QTMAN: variants seen among roughly 807,000 people sequenced by gnomAD.
QTMAN encodes tRNA-queuosine alpha-mannosyltransferase.
the QTMAN span, among the ~76,000 whole-genome samples, chr2:144,233,184 A>C: frequency 6.6e-6 from 1 of 152,132 alleles, no homozygotes; most frequent in East Asian, 1.9e-4. Context: ...TATCACTCAA[A>C]AGTTTCCATT....
chr2:144,295,162 T>C, the QTMAN span: 1 of 152,208 alleles, frequency 6.6e-6, no homozygotes, highest in Non-Finnish European at 1.5e-5. Flanking sequence ...CACTCCAGCT[T>C]CTCTCAATGC....
the QTMAN span, among the ~76,000 whole-genome samples, chr2:144,121,045 T>C: frequency 1.3e-5 from 2 of 152,186 alleles, no homozygotes; most frequent in Non-Finnish European, 2.9e-5. Context: ...TAAGACTCAG[T>C]GTAAGCTGTC....
At chr2:144,303,508 T>TA in the QTMAN span, among the ~76,000 whole-genome samples, 1 of 152,144 alleles carries the variant, frequency 6.6e-6, no homozygotes, top group South Asian at 2.1e-4. Flanking sequence ...TTCAAAAGTC[T>TA]AAAGCACATA....
the QTMAN span, among the ~76,000 whole-genome samples, chr2:144,048,537 T>G: frequency 6.6e-6 from 1 of 152,124 alleles, no homozygotes; most frequent in Non-Finnish European, 1.5e-5. Context: ...AAATTGAGAT[T>G]ATATAAAAAG....
the QTMAN span, among the ~76,000 whole-genome samples, chr2:144,187,159 G>A: frequency 6.6e-6 from 1 of 152,174 alleles, no homozygotes; most frequent in East Asian, 1.9e-4. Context: ...TGTCTTGTCT[G>A]TTTTTTGTTG....
At chr2:144,271,794 T>C in the QTMAN span, among the ~76,000 whole-genome samples, 6 of 152,186 alleles carry the variant, frequency 3.9e-5, no homozygotes, top group African/African-American at 7.2e-5. Flanking sequence ...GTAATATCTA[T>C]AGGGAAGGAA....
chr2:144,091,395 A>C, the QTMAN span, among the ~76,000 whole-genome samples: 1 of 152,184 alleles, frequency 6.6e-6, no homozygotes, highest in Non-Finnish European at 1.5e-5. Context: ...GTGATGTATA[A>C]AATAAAATGA....
At chr2:144,193,480 T>C in the QTMAN span, among the ~76,000 whole-genome samples, 3 of 148,830 alleles carry the variant, frequency 2.0e-5, no homozygotes, top group African/African-American at 7.3e-5. Context: ...ATATATTATG[T>C]TATATATACA....
the QTMAN span, among the ~76,000 whole-genome samples, chr2:144,213,838 C>T: frequency 6.6e-6 from 1 of 152,158 alleles, no homozygotes; most frequent in Non-Finnish European, 1.5e-5. Context: ...CGGTATTTCT[C>T]AGTAGGTCAT....
chr2:144,091,680 G>C, the QTMAN span, among the ~76,000 whole-genome samples: 1 of 152,148 alleles, frequency 6.6e-6, no homozygotes, highest in Admixed American at 6.5e-5. Flanking sequence ...TCCACTCCTA[G>C]GTATTTACCC....
the QTMAN span, among the ~76,000 whole-genome samples, chr2:144,055,061 T>C: frequency 6.6e-6 from 1 of 152,050 alleles, no homozygotes; most frequent in Non-Finnish European, 1.5e-5. Flanking sequence ...TAAGAAACAA[T>C]TTTTGAAAAG....
At chr2:143,959,039 G>A in the QTMAN span, among the ~76,000 whole-genome samples, 1 of 151,598 alleles carries the variant, frequency 6.6e-6, no homozygotes, top group African/African-American at 2.4e-5. Context: ...CAACATTTAG[G>A]GTTAATATCC....
At chr2:144,101,056 G>A in the QTMAN span, among the ~76,000 whole-genome samples, 1,427 of 151,912 alleles carry the variant, frequency 9.4e-3, 7 homozygotes, top group Non-Finnish European at 0.014. Flanking sequence ...TTTTAGTACA[G>A]ATGGGGTTTC....
chr2:144,252,230 C>G, the QTMAN span, among the ~76,000 whole-genome samples: 1 of 151,642 alleles, frequency 6.6e-6, no homozygotes, highest in Non-Finnish European at 1.5e-5. Context: ...AAAAGATTAG[C>G]CAAGCACAAT....
chr2:144,003,171 T>A, the QTMAN span, among the ~76,000 whole-genome samples: 1 of 151,926 alleles, frequency 6.6e-6, no homozygotes, highest in Non-Finnish European at 1.5e-5. Flanking sequence ...ATAGGTATAA[T>A]CCCAACAAAC....
At chr2:144,318,112 T>C in the QTMAN span, among the ~76,000 whole-genome samples, 2 of 152,006 alleles carry the variant, frequency 1.3e-5, no homozygotes, top group African/African-American at 2.4e-5. Context: ...TAGAATGGGA[T>C]ATCAATGTTA....
the QTMAN span, among the ~76,000 whole-genome samples, chr2:144,085,634 C>T: frequency 3.3e-5 from 5 of 152,122 alleles, no homozygotes; most frequent in South Asian, 6.2e-4. Context: ...AGAACACTTC[C>T]ACCAACCATT....
At chr2:144,017,616 T>C in the QTMAN span, among the ~76,000 whole-genome samples, 1 of 152,190 alleles carries the variant, frequency 6.6e-6, no homozygotes, top group Non-Finnish European at 1.5e-5. Context: ...GTCTTTTCTA[T>C]AAGAATCAAT....
At chr2:144,242,960 T>TAGA in the QTMAN span, among the ~76,000 whole-genome samples, 1 of 77,806 alleles carries the variant, frequency 1.3e-5, no homozygotes, top group Non-Finnish European at 2.4e-5. Context: ...AGACTCTACT[T>TAGA]AAAAAAAAAA....
Sources: gnomAD v4.1 joint callset for allele counts (sites outside exome capture counted in the v4.1 genomes callset) on GRCh38, gnomAD v4.1.1 for gene constraint, MANE v1.5 for transcripts, NCBI Gene and HGNC (gene_info 2026-07-23, HGNC 2026-07-21) for gene names.